NFU1: variants seen among roughly 807,000 people sequenced by gnomAD.
NFU1 encodes the protein NFU1 iron-sulfur cluster scaffold, also known as NFU1 iron-sulfur cluster scaffold homolog, mitochondrial.
In NFU1, 30 loss-of-function variants were observed where a neutral mutation model predicts 32.2. The observed-to-expected ratio is 0.93, with a 90% CI of 0.70 to 1.26. The LOEUF (loss-of-function observed/expected upper bound fraction) is 1.26, where lower values mean the gene tolerates loss of function less well. NFU1 is among the 50% of genes most tolerant of loss of function. NFU1 has a pLI of 0.00. For missense variants in NFU1, 306 were observed against 306.6 expected (o/e 1.00, Z 0.02); for synonymous variants, 112 against 104.6 (o/e 1.07, Z -0.43).
At chr2:69,406,172 G>A in intron 5 of NFU1, 90 bp from the exon 6 acceptor site, 1 of 770,890 alleles carries the variant, frequency 1.3e-6, no homozygotes, top group Non-Finnish European at 2.2e-6. Context: ...TTAACTACAT[G>A]GTTCATTAAA....
At chr2:69,432,780 T>TATC (rs1553402636) in intron 1 of NFU1, among the ~76,000 whole-genome samples, 3 of 151,492 alleles carry the variant, frequency 2.0e-5, no homozygotes, top group Non-Finnish European at 4.4e-5. Context: ...TCCTGTCCCT[T>TATC]ACGTTTCCCT....
chr2:69,424,470 T>G (rs187266638), intron 2 of NFU1, among the ~76,000 whole-genome samples: 16 of 152,020 alleles, frequency 1.1e-4, no homozygotes, highest in Admixed American at 3.9e-4. Flanking sequence ...TGTATTTTTT[T>G]GCAGAGACAG....
Position 69,404,615 on chromosome 2 carries a change from A to ATATTTTTTT in NFU1, c.545+1406_545+1407insAAAAAAATA, listed in dbSNP as rs1426118283. The stretch of plus-strand genomic sequence containing the variant: ...CACTTAATAACTACTATCTTAGCAA[A>ATATTTTTTT]TTTTTTTTTTTTTTTTTTTTTTTGA... On this transcript the variant is annotated intron_variant, in intron 6 of 7. Transcript: ENST00000410022. Among the ~76,000 whole-genome samples the ATATTTTTTT allele has an allele frequency of 1.9e-3, 136 of 73,022 alleles. 8 individuals are homozygous for ATATTTTTTT. The highest frequency in any genetic ancestry group is 2.6e-3 in the Admixed American group (16 of 6,058). 47.9% of individuals were successfully genotyped at this position (73,022 alleles called of 152,430 possible). A position where few individuals can be genotyped will look rare whatever the true frequency, so the allele number is the denominator to read the frequency against.
At chr2:69,402,365 T>C (rs933005792) in intron 6 of NFU1, among the ~76,000 whole-genome samples, 6 of 152,148 alleles carry the variant, frequency 3.9e-5, no homozygotes, top group African/African-American at 9.7e-5. Context: ...CTTTGTCACA[T>C]AGGCTGGAAT....
intron 7 of NFU1, chr2:69,399,455 A>G: frequency 2.3e-6 from 1 of 434,592 alleles, no homozygotes; most frequent in South Asian, 1.7e-5. Flanking sequence ...TACTCAGTAT[A>G]ACAACAAACT....
intron 3 of NFU1, 102 bp downstream of exon 3, chr2:69,423,480 C>A: frequency 2.0e-6 from 2 of 1,016,434 alleles, no homozygotes; most frequent in Non-Finnish European, 2.9e-6. Context: ...AAAAAAAATG[C>A]AGTGCACATA....
At chr2:69,432,736 G>C (rs1194881387) in intron 1 of NFU1, among the ~76,000 whole-genome samples, 1 of 150,948 alleles carries the variant, frequency 6.6e-6, no homozygotes, top group Non-Finnish European at 1.5e-5. Flanking sequence ...ACTGGTAAGG[G>C]AAAAAAGCAT....
chr2:69,407,629 C>T (rs1386897536), intron 5 of NFU1, among the ~76,000 whole-genome samples: 1 of 145,516 alleles, frequency 6.9e-6, no homozygotes, highest in Non-Finnish European at 1.5e-5. Flanking sequence ...GAGCTAAGAT[C>T]GCACCACTGT....
At chr2:69,413,754 G>A (rs1341266482) in intron 5 of NFU1, among the ~76,000 whole-genome samples, 3 of 149,856 alleles carry the variant, frequency 2.0e-5, no homozygotes, top group Non-Finnish European at 3.0e-5. Context: ...GCAAGACTCT[G>A]TCTCAAAAAT....
intron 6 of NFU1, 81 bp from the exon 7 acceptor site, chr2:69,400,619 A>T: frequency 8.5e-7 from 1 of 1,176,268 alleles, no homozygotes; most frequent in Non-Finnish European, 1.3e-6. Flanking sequence ...CTCAGAGCTT[A>T]AATTTTATAT....
Position 69,437,364 on chromosome 2 carries a change from C to G in NFU1, c.59G>C (p.Arg20Thr). Reference protein sequence around the residue: ...GAAAVAAGLRRRFCHMLKNPY... With the variant: ...GAAAVAAGLRTRFCHMLKNPY... ...GAGCTCCAGGCTCGTCACCTACCGC[C>G]TGCGCAGCCCGGCGGCAACAGCCGC... Residue 20 changes from arginine (R) to threonine (T), a missense_variant, in exon 1 of 8, where the codon AGG (arginine) becomes ACG (threonine). Arg to Thr is a moderately conservative substitution (Grantham distance 71, BLOSUM62 -1). Transcript: ENST00000410022. The G allele has an allele frequency of 6.2e-7, 1 of 1,607,744 alleles. No homozygotes were observed. The highest frequency in any genetic ancestry group is 8.5e-7 in the Non-Finnish European group (1 of 1,178,658).
chr2:69,429,187 A>T (rs1388727629), intron 2 of NFU1, among the ~76,000 whole-genome samples: 2 of 152,202 alleles, frequency 1.3e-5, no homozygotes, highest in Non-Finnish European at 2.9e-5. Flanking sequence ...CTGGCTCTGA[A>T]CCAATCATTT....
intron 2 of NFU1, among the ~76,000 whole-genome samples, chr2:69,427,248 G>A (rs1351321219): frequency 6.6e-6 from 1 of 151,316 alleles, no homozygotes; most frequent in Admixed American, 6.6e-5. Context: ...AACCGGGCGT[G>A]GTGGCAGGCG....
chr2:69,439,110 A>G (rs1673964202), upstream of NFU1, among the ~76,000 whole-genome samples: 1 of 152,030 alleles, frequency 6.6e-6, no homozygotes, highest in South Asian at 2.1e-4. Context: ...TTCCCTTCAG[A>G]ACCAAGTGGC....
At chr2:69,410,337 C>T (rs531495859) in intron 5 of NFU1, among the ~76,000 whole-genome samples, 5 of 151,886 alleles carry the variant, frequency 3.3e-5, no homozygotes, top group Non-Finnish European at 7.4e-5. Flanking sequence ...TGCAGTGAGC[C>T]GAGATCGCAC....
At chr2:69,414,063 AAAAT>A (rs1672975747) in intron 5 of NFU1, among the ~76,000 whole-genome samples, 1 of 152,120 alleles carries the variant, frequency 6.6e-6, no homozygotes, top group Non-Finnish European at 1.5e-5. Context: ...TAAATAAATA[AAAAT>A]AAATAAACAA....
chr2:69,420,762 G>A (rs1373182631), intron 3 of NFU1, among the ~76,000 whole-genome samples: 3 of 152,130 alleles, frequency 2.0e-5, no homozygotes, highest in African/African-American at 7.2e-5. Context: ...AGGGTTTTAT[G>A]TAATAAAATA....
chr2:69,398,800 C>T (rs908937070), intron 7 of NFU1, among the ~76,000 whole-genome samples: 29 of 152,158 alleles, frequency 1.9e-4, no homozygotes, highest in African/African-American at 6.3e-4. Context: ...TGTCTTCAGC[C>T]TCTCAGCTCC....
At chr2:69,411,653 C>T (rs1055700583) in intron 5 of NFU1, among the ~76,000 whole-genome samples, 21 of 151,886 alleles carry the variant, frequency 1.4e-4, no homozygotes, top group Admixed American at 6.6e-4. Flanking sequence ...AGTGTGGTGG[C>T]GTGAACATGG....
Sources: gnomAD v4.1 joint callset for allele counts (sites outside exome capture counted in the v4.1 genomes callset) on GRCh38, gnomAD v4.1.1 for gene constraint, MANE v1.5 for transcripts, NCBI Gene and HGNC (gene_info 2026-07-23, HGNC 2026-07-21) for gene names.